CACNA2D1: variants seen among roughly 807,000 people sequenced by gnomAD.
CACNA2D1 encodes voltage-dependent calcium channel subunit alpha-2/delta-1.
A neutral mutation model predicts 171.5 loss-of-function variants in CACNA2D1; 53 were observed. The ratio of observed to expected loss-of-function variants is 0.31; its 90% CI spans 0.25 to 0.39. CACNA2D1 has a LOEUF of 0.39. Among genes scored for constraint, CACNA2D1 ranks in the 10% least tolerant of loss-of-function variants. The pLI is 1.00. For synonymous variants in CACNA2D1, 442 were observed against 443.1 expected, an observed-to-expected ratio of 1.00 and a Z score of 0.03; for missense variants, 903 against 1,299.8, an observed-to-expected ratio of 0.69 and a Z score of 4.69.
intron 3 of CACNA2D1, among the ~76,000 whole-genome samples, chr7:82,175,612 G>C (rs777177716): frequency 6.6e-6 from 1 of 151,938 alleles, no homozygotes; most frequent in Admixed American, 6.6e-5. Flanking sequence ...TTCAATGTTC[G>C]AAAGAAAAGC....
chr7:82,016,633 C>T (rs1469307409), intron 12 of CACNA2D1, among the ~76,000 whole-genome samples: 1 of 108,898 alleles, frequency 9.2e-6, no homozygotes, highest in South Asian at 3.4e-4. Flanking sequence ...AAAAAAAAAG[C>T]TTGTTGCTTT....
At chr7:81,967,835 AC>A (rs1481083714) in intron 29 of CACNA2D1, among the ~76,000 whole-genome samples, 172 bp from the exon 30 acceptor site, 2 of 151,556 alleles carry the variant, frequency 1.3e-5, no homozygotes, top group Non-Finnish European at 3.0e-5. Flanking sequence ...ATAAATTGTA[AC>A]ATATTCACAA....
At chr7:82,414,799 A>C (rs1224747478) in intron 1 of CACNA2D1, among the ~76,000 whole-genome samples, 1 of 152,212 alleles carries the variant, frequency 6.6e-6, no homozygotes, top group African/African-American at 2.4e-5. Flanking sequence ...CTACATGTCC[A>C]TACACCCTAG....
chr7:82,416,076 G>A (rs1331245956), intron 1 of CACNA2D1, among the ~76,000 whole-genome samples: 3 of 152,044 alleles, frequency 2.0e-5, no homozygotes, highest in Middle Eastern at 3.4e-3. Flanking sequence ...TTAGCTGGTC[G>A]TGATGGCGGG....
At chr7:82,037,991 C>T in intron 11 of CACNA2D1, 86 bp downstream of exon 11, 1 of 1,307,614 alleles carries the variant, frequency 7.6e-7, no homozygotes, top group Non-Finnish European at 1.1e-6. Flanking sequence ...CTATCTAATC[C>T]CAGAGAGTAG....
Position 82,306,655 on chromosome 7 carries a change from G to A in CACNA2D1, c.294+28480C>T, listed in dbSNP as rs746072880. Among the ~76,000 whole-genome samples the A allele has an allele frequency of 8.0e-4, 121 of 152,140 alleles. 1 individual carries two copies. Among genetic ancestry groups the A allele is most frequent in the Non-Finnish European group, 7.6e-4 (52 of 68,026 alleles). ...CTGCTATCCTAATCTATTTCTGGGA[G>A]TGAATTTTCTGGAGGATCATGAGGC... On this transcript the variant is annotated intron_variant, in intron 3 of 38. Transcript: ENST00000356860.
chr7:82,043,078 TAAGAA>T (rs1461630022), intron 10 of CACNA2D1, among the ~76,000 whole-genome samples: 11 of 152,208 alleles, frequency 7.2e-5, no homozygotes, highest in African/African-American at 2.7e-4. Flanking sequence ...ATGTGGACTT[TAAGAA>T]AATTAGAAGC....
intron 3 of CACNA2D1, among the ~76,000 whole-genome samples, chr7:82,319,581 C>A (rs1194683796): frequency 6.6e-6 from 1 of 152,056 alleles, no homozygotes; most frequent in African/African-American, 2.4e-5. Context: ...TGTTTAAGAA[C>A]CACATTATGT....
At chr7:82,005,528 T>C in intron 17 of CACNA2D1, 31 bp from the exon 18 acceptor site, 1 of 1,296,824 alleles carries the variant, frequency 7.7e-7, no homozygotes. Context: ...AAAGCTTGGA[T>C]ATGCCTGAGT....
chr7:82,386,000 T>C (rs796303712), intron 1 of CACNA2D1, among the ~76,000 whole-genome samples: 4 of 152,280 alleles, frequency 2.6e-5, no homozygotes, highest in African/African-American at 9.6e-5. Flanking sequence ...CATTCTAGCA[T>C]TAATATTTAG....
At chr7:82,055,930 G>GTGTGTATATATATATATATATATATA (rs71093357) in intron 10 of CACNA2D1, among the ~76,000 whole-genome samples, 8 of 111,474 alleles carry the variant, frequency 7.2e-5, no homozygotes, top group African/African-American at 2.9e-4. Context: ...GTGTGTGTGT[G>GTGTGTATATATATATATATATATATA]TATATATATA....
chr7:82,155,475 CTAATA>C (rs1584944037), intron 4 of CACNA2D1, among the ~76,000 whole-genome samples: 1 of 152,092 alleles, frequency 6.6e-6, no homozygotes, highest in East Asian at 1.9e-4. Context: ...TTTTCATTTA[CTAATA>C]TAACACTACA....
rs965997304 is a variant in CACNA2D1, at chr7:81,959,411, A to C, written c.3077-54T>G. ...GTTAGTTTTTTTCACATGATTAAAAATAAATACAATGCAATGTATTTCCCA... is the reference window on the plus strand; with the variant it reads ...GTTAGTTTTTTTCACATGATTAAAACTAAATACAATGCAATGTATTTCCCA... On this transcript the variant is annotated intron_variant, in intron 37 of 38. Coordinates refer to ENST00000356860, the MANE Select transcript of CACNA2D1 (RefSeq NM_000722.4). The C allele has an allele frequency of 5.1e-6, 6 of 1,175,842 alleles. No individual in the cohort carries two copies. The African/African-American group carries it at 9.0e-5, about 18-fold the overall frequency. 72.8% of individuals were successfully genotyped at this position (1,175,842 alleles called of 1,614,324 possible).
chr7:82,368,824 A>G (rs915603777), intron 1 of CACNA2D1, among the ~76,000 whole-genome samples: 4 of 152,080 alleles, frequency 2.6e-5, no homozygotes, highest in African/African-American at 9.7e-5. Flanking sequence ...TACACTTCCA[A>G]TGCTTTCTTC....
intron 3 of CACNA2D1, among the ~76,000 whole-genome samples, chr7:82,248,327 A>G (rs1259974763): frequency 6.6e-6 from 1 of 152,078 alleles, no homozygotes; most frequent in Non-Finnish European, 1.5e-5. Context: ...TGGAAGACTG[A>G]TCATTGGAGA....
chr7:82,391,381 TC>T (rs1825102645), intron 1 of CACNA2D1, among the ~76,000 whole-genome samples: 1 of 152,178 alleles, frequency 6.6e-6, no homozygotes, highest in African/African-American at 2.4e-5. Flanking sequence ...CAGTGCAGTC[TC>T]CACTTCTCCC....
rs1796202879 is a variant in CACNA2D1, at chr7:81,979,332, T to C, written c.1955+3235A>G. 2.0e-5 allele frequency among the ~76,000 whole-genome samples: 3 copies of C among 152,164 alleles called. 1 individual carries two copies. In the South Asian group the frequency reaches 6.2e-4, roughly 31 times the overall value. On this transcript the variant is annotated intron_variant, in intron 24 of 38. Transcript: ENST00000356860. ...AAAAAATATGAAATGTGACACTGAC[T>C]ACAGAAATGGTTCATACACTAATAC...
chr7:81,979,624 T>C (rs2130594804), intron 24 of CACNA2D1, among the ~76,000 whole-genome samples: 1 of 152,318 alleles, frequency 6.6e-6, no homozygotes, highest in Non-Finnish European at 1.5e-5. Context: ...GCTATGTTAA[T>C]ATTCTGCGGG....
chr7:82,187,524 A>G, intron 3 of CACNA2D1, among the ~76,000 whole-genome samples: 1 of 151,540 alleles, frequency 6.6e-6, no homozygotes, highest in African/African-American at 2.4e-5. Context: ...ACAGAAGGTC[A>G]AAAAATAATC....
Sources: allele counts gnomAD v4.1 joint callset (sites outside exome capture counted in the v4.1 genomes callset), GRCh38; gene constraint gnomAD v4.1.1; transcripts MANE v1.5; gene names NCBI Gene and HGNC (gene_info 2026-07-23, HGNC 2026-07-21).